Variants in DHDDS observed in about 807,000 individuals in gnomAD.
DHDDS encodes dehydrodolichyl diphosphate synthase complex subunit DHDDS.
A neutral mutation model predicts 46.2 loss-of-function variants in DHDDS; 16 were observed. That is an observed-to-expected ratio of 0.35 (90% CI 0.23 to 0.53). DHDDS has a LOEUF of 0.53. DHDDS is among the 20% of genes least tolerant of loss of function. DHDDS has a pLI of 0.94. For missense variants in DHDDS, 340 were observed against 423.7 expected (o/e 0.80, Z 1.73); for synonymous variants, 151 against 163.1 (o/e 0.93, Z 0.56).
chr1:26,467,029 T>C (rs982896349), intron 8 of DHDDS: 2 of 208,580 alleles, frequency 9.6e-6, no homozygotes, highest in South Asian at 1.4e-4. Context: ...ATATTCTCCC[T>C]GCCCCCCACA....
chr1:26,458,781 C>G (rs1453929463), intron 7 of DHDDS, among the ~76,000 whole-genome samples: 1 of 150,928 alleles, frequency 6.6e-6, no homozygotes, highest in African/African-American at 2.4e-5. Flanking sequence ...ACAATGTGCA[C>G]CTATTGGTTC....
chr1:26,438,726 GAAA>G, intron 3 of DHDDS: 1 of 155,380 alleles, frequency 6.4e-6, no homozygotes, highest in Non-Finnish European at 1.4e-5. Flanking sequence ...ACCATCTCAA[GAAA>G]AAAAAAATGA....
chr1:26,455,904 ACT>A (rs1414100147), intron 6 of DHDDS, among the ~76,000 whole-genome samples: 2 of 152,060 alleles, frequency 1.3e-5, no homozygotes, highest in Admixed American at 6.6e-5. Flanking sequence ...CCAAGATGTA[ACT>A]CTAACTACCT....
In DHDDS at chr1:26,457,809, G is replaced by A. The variant is rs1264707466; in HGVS notation, c.561G>A (p.Leu187=). 3 of 1,613,484 alleles carry A rather than the reference G, an allele frequency of 1.9e-6. No homozygotes were observed. Among genetic ancestry groups the A allele is most frequent in the African/African-American group, 1.3e-5 (1 of 74,960 alleles). Residue 187 remains leucine, a synonymous_variant, in exon 7 of 9, where the codon CTG becomes CTA. Transcript: ENST00000236342. ...ATCTTAGTGATATCTCTGAGTCTCT[G>A]CTTGATAAGTGCCTCTATACCAACC... The part of the protein sequence containing the change: ...LLDPSDISES[L]LDKCLYTNRS...
At chr1:26,468,769 G>A in intron 8 of DHDDS, 126 bp from the exon 9 acceptor site, 1 of 1,341,794 alleles carries the variant, frequency 7.5e-7, no homozygotes, top group Non-Finnish European at 1.0e-6. Context: ...TTCAAATCTG[G>A]TACCTACTTT....
intron 3 of DHDDS, 81 bp from the exon 4 acceptor site, chr1:26,442,650 T>G: frequency 2.6e-6 from 4 of 1,566,768 alleles, no homozygotes; most frequent in East Asian, 2.2e-5. Flanking sequence ...TCTCCAACTC[T>G]GAGTCAGGAC....
At chr1:26,468,863 T>A (rs1468545045) in intron 8 of DHDDS, 32 bp from the exon 9 acceptor site, 3 of 1,467,946 alleles carry the variant, frequency 2.0e-6, no homozygotes, top group Non-Finnish European at 2.8e-6. Flanking sequence ...AAAAATGATC[T>A]CCCCACCCCA....
chr1:26,467,380 T>C (rs1282767159), intron 8 of DHDDS: 2 of 470,596 alleles, frequency 4.2e-6, no homozygotes, highest in Non-Finnish European at 8.8e-6. Context: ...CCCGAAGTCC[T>C]CATAGCTCCA....
intron 7 of DHDDS, 111 bp downstream of exon 7, chr1:26,458,016 C>T: frequency 2.2e-6 from 2 of 910,214 alleles, no homozygotes; most frequent in African/African-American, 1.6e-5. Flanking sequence ...GGCCAGAGTA[C>T]TTCTGGGGAA....
At chr1:26,443,041 T>A in intron 4 of DHDDS, 168 bp downstream of exon 4, 1 of 1,189,990 alleles carries the variant, frequency 8.4e-7, no homozygotes, top group Non-Finnish European at 1.1e-6. Context: ...TCTTTCATTC[T>A]TTATTTCTAA....
chr1:26,437,192 G>T (rs1167776360), intron 2 of DHDDS, among the ~76,000 whole-genome samples: 1 of 151,888 alleles, frequency 6.6e-6, no homozygotes, highest in Non-Finnish European at 1.5e-5. Context: ...GAACAAAACT[G>T]TGTGGCTTAT....
At chr1:26,436,976 C>T (rs1033955706) in intron 2 of DHDDS, among the ~76,000 whole-genome samples, 1 of 151,726 alleles carries the variant, frequency 6.6e-6, no homozygotes, top group Non-Finnish European at 1.5e-5. Context: ...CGCCACCATC[C>T]TGGCTAACAC....
chr1:26,463,241 G>A (rs1019968378), intron 8 of DHDDS: 2 of 152,352 alleles, frequency 1.3e-5, no homozygotes, highest in South Asian at 2.1e-4. Context: ...GATGCGCCTC[G>A]AGGTAGGGTG....
chr1:26,444,370 A>C (rs893099358), intron 4 of DHDDS, among the ~76,000 whole-genome samples: 5 of 152,164 alleles, frequency 3.3e-5, no homozygotes, highest in Admixed American at 1.3e-4. Flanking sequence ...ATTTGAAGAA[A>C]GGGTTCTTTG....
chr1:26,460,808 C>CAT (rs571768941), intron 8 of DHDDS, among the ~76,000 whole-genome samples: 18 of 152,298 alleles, frequency 1.2e-4, no homozygotes, highest in African/African-American at 4.1e-4. Context: ...CCTCATTTTT[C>CAT]ATATATGGAA....
intron 8 of DHDDS, 84 bp from the exon 9 acceptor site, chr1:26,468,811 G>GGCCCCCCCCCCCCCACC: frequency 1.6e-6 from 1 of 637,986 alleles, no homozygotes; most frequent in Non-Finnish European, 2.6e-6. Context: ...CCCACCCTGT[G>GGCCCCCCCCCCCCCACC]CCCCACCCCC....
intron 8 of DHDDS, among the ~76,000 whole-genome samples, chr1:26,464,907 A>G (rs2075466577): frequency 6.6e-6 from 1 of 152,198 alleles, no homozygotes; most frequent in African/African-American, 2.4e-5. Context: ...GGTGGATCGT[A>G]AGGGAAGCAG....
At position 26,469,249 on chromosome 1, in the gene DHDDS, G is replaced by T; in HGVS notation, c.*118G>T. 6.3e-7 allele frequency: 1 copy of T among 1,575,864 alleles called. No homozygotes were observed. The highest frequency in any genetic ancestry group is 2.3e-5 in the East Asian group (1 of 44,210). On this transcript the variant is annotated 3_prime_UTR_variant, in exon 9 of 9. Coordinates refer to ENST00000236342, the MANE Select transcript of DHDDS (RefSeq NM_205861.3). ...TAATGAATGGTGTTCCCTTTGCTTG[G>T]CTGGGGAGCCCCCCAGGCCAGGTTT... is the stretch of plus-strand genomic sequence containing the variant.
At position 26,432,893 on chromosome 1, in the gene DHDDS, T is replaced by G. The variant is rs375098683; in HGVS notation, c.-53T>G. 1,111 of 1,590,906 alleles carry G rather than the reference T, an allele frequency of 7.0e-4. 2 individuals carry two copies. The highest frequency in any genetic ancestry group is 8.2e-4 in the Non-Finnish European group (956 of 1,158,964). On this transcript the variant is annotated splice_region_variant and 5_prime_UTR_variant, in exon 2 of 9. It adds an upstream start codon to the 5' untranslated region. Transcript: ENST00000236342. The stretch of plus-strand genomic sequence containing the variant: ...ATTTTCTTTCTTGTTTATCCAAGAT[T>G]ACCTGGCTGGTGTTTGCTTGTTCTG...
Sources: gnomAD v4.1 joint callset for allele counts (sites outside exome capture counted in the v4.1 genomes callset) on GRCh38, gnomAD v4.1.1 for gene constraint, MANE v1.5 for transcripts, NCBI Gene and HGNC (gene_info 2026-07-23, HGNC 2026-07-21) for gene names.